ZNF469: variants seen among roughly 807,000 people sequenced by gnomAD.
The protein encoded by ZNF469 is zinc finger protein 469.
In ZNF469, 1 loss-of-function variant was observed where a neutral mutation model predicts 1.0. That is an observed-to-expected ratio of 1.00 (90% CI 0.35 to 4.73). The LOEUF is 4.73. Among genes scored for constraint, ZNF469 ranks in the 30% most tolerant of loss-of-function variants. ZNF469 has a pLI of 0.16. For missense variants in ZNF469, 6,100 were observed against 5,356.3 expected, an observed-to-expected ratio of 1.14 and a Z score of -4.33; for synonymous variants, 2,703 against 2,363.4, an observed-to-expected ratio of 1.14 and a Z score of -4.17.
At chr16:88,287,827 C>A in the ZNF469 span, among the ~76,000 whole-genome samples, 1 of 152,176 alleles carries the variant, frequency 6.6e-6, no homozygotes, top group Non-Finnish European at 1.5e-5. Context: ...CCAGCGCTGA[C>A]TTCATGGTGA....
intron 1 of ZNF469, among the ~76,000 whole-genome samples, chr16:88,396,495 C>T (rs1039229443): frequency 6.6e-6 from 1 of 150,876 alleles, no homozygotes; most frequent in Non-Finnish European, 1.5e-5. Context: ...CGGGAGGAGA[C>T]CCTCATGAAG....
At chr16:88,198,161 C>T in the ZNF469 span, among the ~76,000 whole-genome samples, 1 of 152,234 alleles carries the variant, frequency 6.6e-6, no homozygotes, top group African/African-American at 2.4e-5. Flanking sequence ...CCTTTCCTGC[C>T]ATCATGGAGC....
At chr16:88,361,167 T>TCACAATAGG in the ZNF469 span, among the ~76,000 whole-genome samples, 1 of 152,118 alleles carries the variant, frequency 6.6e-6, no homozygotes, top group African/African-American at 2.4e-5. Context: ...CATGCGCAGT[T>TCACAATAGG]CACAATAGGG....
At chr16:88,153,459 G>A in the ZNF469 span, among the ~76,000 whole-genome samples, 1 of 152,258 alleles carries the variant, frequency 6.6e-6, no homozygotes, top group Non-Finnish European at 1.5e-5. Flanking sequence ...GGGAAAATAA[G>A]GTAGAATTTA....
chr16:88,340,379 ATGTCATGCGTCAGGTGACATGAACAGG>A, the ZNF469 span, among the ~76,000 whole-genome samples: 1 of 152,168 alleles, frequency 6.6e-6, no homozygotes. Context: ...CATAAGCCAG[ATGTCATGCGTCAGGTGACATGAACAGG>A]TGTCATGGGC....
At chr16:88,102,406 G>A in the ZNF469 span, among the ~76,000 whole-genome samples, 1 of 152,240 alleles carries the variant, frequency 6.6e-6, no homozygotes. Flanking sequence ...TGTAATCCCA[G>A]CTACTCAGGA....
chr16:88,181,652 G>C, the ZNF469 span, among the ~76,000 whole-genome samples: 1 of 152,208 alleles, frequency 6.6e-6, no homozygotes, highest in Non-Finnish European at 1.5e-5. Context: ...GTGCTGGCAA[G>C]GCAGTGCTTG....
At chr16:88,338,119 T>C in the ZNF469 span, among the ~76,000 whole-genome samples, 2 of 131,418 alleles carry the variant, frequency 1.5e-5, no homozygotes, top group Non-Finnish European at 3.1e-5. Flanking sequence ...CCATGGCCCA[T>C]GGGCAAACTT....
At chr16:88,105,696 G>T in the ZNF469 span, among the ~76,000 whole-genome samples, 1 of 152,242 alleles carries the variant, frequency 6.6e-6, no homozygotes, top group African/African-American at 2.4e-5. Context: ...AACGGATGAA[G>T]AGCTGAAAGC....
At chr16:88,353,052 A>G in the ZNF469 span, among the ~76,000 whole-genome samples, 1 of 152,144 alleles carries the variant, frequency 6.6e-6, no homozygotes, top group African/African-American at 2.4e-5. Context: ...CTGGGCAGGG[A>G]GAGACCAGGC....
chr16:88,158,326 T>G, the ZNF469 span, among the ~76,000 whole-genome samples: 7 of 145,274 alleles, frequency 4.8e-5, no homozygotes, highest in Admixed American at 6.8e-5. Flanking sequence ...TGCTAGAGAG[T>G]GGGGTGGGGG....
At chr16:88,251,536 G>GTGTGTTT in the ZNF469 span, among the ~76,000 whole-genome samples, 1 of 78,788 alleles carries the variant, frequency 1.3e-5, no homozygotes, top group Non-Finnish European at 2.3e-5. Context: ...TGTCCCTGCT[G>GTGTGTTT]TCTTTTTTTT....
Position 88,437,794 on chromosome 16 carries a change from A to AG in ZNF469, c.10332dup (p.Arg3445AlafsTer58), listed in dbSNP as rs764470052. 41 of 1,544,896 alleles carry AG rather than the reference A, an allele frequency of 2.7e-5. No individual in the cohort carries two copies. Among genetic ancestry groups the AG allele is most frequent in the Middle Eastern group, 3.3e-4 (2 of 6,002 alleles). On this transcript the variant is annotated frameshift_variant, in exon 3 of 3. Coordinates refer to ENST00000565624, the MANE Select transcript of ZNF469 (RefSeq NM_001367624.2). LOFTEE classifies it low-confidence loss of function (END_TRUNC). ...CGACCGCCACATGAACAAGCACCTC[A>AG]GGGGGGGGCGGCAGCCCTTCGCGTT...
chr16:88,130,202 G>A, the ZNF469 span, among the ~76,000 whole-genome samples: 3 of 152,158 alleles, frequency 2.0e-5, no homozygotes, highest in African/African-American at 4.8e-5. Context: ...CGCAGGAAAC[G>A]GGAGGCCAAG....
At chr16:88,159,171 A>G in the ZNF469 span, among the ~76,000 whole-genome samples, 1 of 114,744 alleles carries the variant, frequency 8.7e-6, no homozygotes, top group Admixed American at 8.7e-5. Flanking sequence ...TATGTGGACC[A>G]CTCACTGTCC....
the ZNF469 span, among the ~76,000 whole-genome samples, chr16:88,358,196 G>A: frequency 6.6e-6 from 1 of 152,244 alleles, no homozygotes; most frequent in Non-Finnish European, 1.5e-5. Flanking sequence ...GGCGGGCATT[G>A]TGAGGAAGCC....
At chr16:88,369,032 T>C in the ZNF469 span, among the ~76,000 whole-genome samples, 1 of 151,968 alleles carries the variant, frequency 6.6e-6, no homozygotes, top group African/African-American at 2.4e-5. Flanking sequence ...TGAGCTGAGA[T>C]TGCACCACTG....
chr16:88,305,746 A>T, the ZNF469 span, among the ~76,000 whole-genome samples: 1 of 152,294 alleles, frequency 6.6e-6, no homozygotes, highest in African/African-American at 2.4e-5. Context: ...GCATGCTCAT[A>T]CACACGGAAA....
At chr16:88,386,920 A>G (rs1456396299) in intron 1 of ZNF469, among the ~76,000 whole-genome samples, 1 of 152,158 alleles carries the variant, frequency 6.6e-6, no homozygotes, top group African/African-American at 2.4e-5. Context: ...GCCAGTGGTC[A>G]TGGTGGGGGT....
Sources: gnomAD v4.1 joint callset for allele counts (sites outside exome capture counted in the v4.1 genomes callset) on GRCh38, gnomAD v4.1.1 for gene constraint, MANE v1.5 for transcripts, NCBI Gene and HGNC (gene_info 2026-07-23, HGNC 2026-07-21) for gene names.